Variants in SUV39H2 observed in about 807,000 individuals in gnomAD.
SUV39H2 encodes histone-lysine N-methyltransferase SUV39H2.
SUV39H2 carries 10 observed loss-of-function variants against 47.5 expected under a neutral mutation model. That is an observed-to-expected ratio of 0.21 (90% confidence interval 0.13 to 0.36). SUV39H2 has a LOEUF of 0.36. Among genes scored for constraint, SUV39H2 ranks in the 10% least tolerant of loss-of-function variants. The pLI is 1.00. For synonymous variants in SUV39H2, 159 were observed against 166.8 expected, an observed-to-expected ratio of 0.95 and a Z score of 0.36; for missense variants, 266 against 487.4, an observed-to-expected ratio of 0.55 and a Z score of 4.28.
At chr10:14,880,523 CACAT>C (rs1461292485) in intron 1 of SUV39H2, among the ~76,000 whole-genome samples, 2 of 152,206 alleles carry the variant, frequency 1.3e-5, no homozygotes, top group Admixed American at 1.3e-4. Flanking sequence ...TCACTAAAGT[CACAT>C]AGCTCGGTGA....
Position 14,878,936 on chromosome 10 carries a change from G to C in SUV39H2, c.31+17G>C. On this transcript the variant is annotated intron_variant, in intron 1 of 5. Coordinates refer to ENST00000354919, the MANE Select transcript of SUV39H2 (RefSeq NM_001193424.2). Reference sequence around the variant, plus strand: ...CGCGAGGAGGTGAGGCTGGAGCGCGGCCCCCTCGCCTTCCCTGTTCCCAGG... The same window carrying C: ...CGCGAGGAGGTGAGGCTGGAGCGCGCCCCCCTCGCCTTCCCTGTTCCCAGG... The C allele has an allele frequency of 6.9e-7, 1 of 1,458,120 alleles. No homozygotes were observed. The highest frequency in any genetic ancestry group is 9.1e-7 in the Non-Finnish European group (1 of 1,102,148). 90.3% of individuals were successfully genotyped at this position (1,458,120 alleles called of 1,614,324 possible).
chr10:14,879,235 G>C, intron 1 of SUV39H2: 12 of 682,208 alleles, frequency 1.8e-5, no homozygotes, highest in Non-Finnish European at 2.3e-5. Context: ...CTTCGAGGCC[G>C]CTCCCCGGCA....
At chr10:14,879,071 C>T (rs910764523) in intron 1 of SUV39H2, 152 bp downstream of exon 1, 43 of 1,303,706 alleles carry the variant, frequency 3.3e-5, no homozygotes, top group African/African-American at 1.1e-4. Context: ...CTGCGGACGC[C>T]TATCCTCCCC....
intron 2 of SUV39H2, among the ~76,000 whole-genome samples, chr10:14,893,599 A>G (rs1325107069): frequency 1.3e-5 from 2 of 152,184 alleles, no homozygotes; most frequent in African/African-American, 4.8e-5. Flanking sequence ...GTGTAAAATC[A>G]TTTTTCAAAG....
intron 2 of SUV39H2, among the ~76,000 whole-genome samples, chr10:14,890,694 A>G (rs1305411606): frequency 6.6e-6 from 1 of 152,202 alleles, no homozygotes; most frequent in Non-Finnish European, 1.5e-5. Context: ...ACTGATATTG[A>G]ATATGATGAT....
chr10:14,886,566 A>T (rs543760107), intron 2 of SUV39H2, among the ~76,000 whole-genome samples: 2 of 152,228 alleles, frequency 1.3e-5, no homozygotes, highest in African/African-American at 4.8e-5. Flanking sequence ...TCTAGGGCCT[A>T]CATTCACTAT....
intron 2 of SUV39H2, 137 bp downstream of exon 2, chr10:14,881,782 C>G: frequency 1.3e-6 from 1 of 769,930 alleles, no homozygotes; most frequent in South Asian, 3.5e-5. Context: ...TTTATATGTC[C>G]TATCATCTGT....
At chr10:14,881,730 G>A in intron 2 of SUV39H2, 85 bp downstream of exon 2, 2 of 1,188,256 alleles carry the variant, frequency 1.7e-6, no homozygotes, top group Non-Finnish European at 2.2e-6. Flanking sequence ...AACATTAAAA[G>A]AAAAGCTCTT....
chr10:14,878,994 C>A, intron 1 of SUV39H2, 75 bp downstream of exon 1: 1 of 1,334,546 alleles, frequency 7.5e-7, no homozygotes, highest in South Asian at 2.1e-5. Context: ...CGGGGCCGTC[C>A]CGCGGGCCAG....
chr10:14,903,628 A>G lies in SUV39H2; in HGVS notation c.*1116A>G, dbSNP rs567312825. On this transcript the variant is annotated 3_prime_UTR_variant, in exon 6 of 6. Transcript: ENST00000354919. ...AATTATTAGACCTTTTTATTAGTCA[A>G]CCTACGAAGACTAAAATAGAATATA... 4 of 152,344 alleles carry G rather than the reference A, an allele frequency of 2.6e-5. No individual in the cohort carries two copies. Among genetic ancestry groups the G allele is most frequent in the Non-Finnish European group, 4.4e-5 (3 of 68,030 alleles). 9.4% of individuals were successfully genotyped at this position (152,344 alleles called of 1,614,324 possible).
At position 14,897,535 on chromosome 10, in the gene SUV39H2, C is replaced by T. The variant is rs757674043; in HGVS notation, c.849+18C>T. On this transcript the variant is annotated intron_variant, in intron 3 of 5. Transcript: ENST00000354919. ...TTGGAGAGGTATGTTTCATTTGCCA[C>T]GTAGTAAATGATGGACATGCAAGGT... The T allele has an allele frequency of 2.7e-6, 4 of 1,491,224 alleles. No homozygotes were observed. The highest frequency in any genetic ancestry group is 2.3e-5 in the East Asian group (1 of 43,410). The allele number at this position is 1,491,224 out of a possible 1,614,324, so 92.4% of individuals were successfully genotyped here. A position where few individuals can be genotyped will look rare whatever the true frequency, so the allele number is the denominator to read the frequency against.
At chr10:14,892,122 A>C (rs1160313268) in intron 2 of SUV39H2, among the ~76,000 whole-genome samples, 3 of 152,238 alleles carry the variant, frequency 2.0e-5, no homozygotes, top group African/African-American at 7.2e-5. Context: ...AGGAAAATAC[A>C]GAGGAGCAAG....
At chr10:14,889,423 T>C (rs949592157) in intron 2 of SUV39H2, among the ~76,000 whole-genome samples, 2 of 152,228 alleles carry the variant, frequency 1.3e-5, no homozygotes, top group Admixed American at 6.5e-5. Context: ...AAAGTTTATA[T>C]CTCAGAGGAG....
intron 4 of SUV39H2, among the ~76,000 whole-genome samples, chr10:14,900,294 C>T (rs1473884485): frequency 2.6e-5 from 4 of 152,120 alleles, no homozygotes; most frequent in Non-Finnish European, 5.9e-5. Context: ...TTTGGGTTAC[C>T]TACTAAGTAG....
Position 14,902,434 on chromosome 10 carries a change from T to C in SUV39H2, c.1155T>C (p.Ile385=). The part of the protein sequence containing the change: ...KGSGDISSDS[I]DHSPAKKRVR... The stretch of plus-strand genomic sequence containing the variant: ...CTGGAGATATATCTTCAGATTCTAT[T>C]GACCACAGCCCAGCCAAAAAGAGGG... Residue 385 remains isoleucine, a synonymous_variant, in exon 6 of 6, where the codon ATT becomes ATC. Coordinates refer to ENST00000354919, the MANE Select transcript of SUV39H2 (RefSeq NM_001193424.2). 1 of 1,611,174 alleles carries C rather than the reference T, an allele frequency of 6.2e-7. No individual in the cohort carries two copies. The highest frequency in any genetic ancestry group is 8.5e-7 in the Non-Finnish European group (1 of 1,179,188).
At chr10:14,899,241 T>C (rs1281859074) in intron 3 of SUV39H2, 2 of 701,954 alleles carry the variant, frequency 2.8e-6, no homozygotes, top group Non-Finnish European at 5.2e-6. Context: ...GATCGCTTGA[T>C]CCCAGGAGTT....
At chr10:14,891,469 CA>C (rs199726265) in intron 2 of SUV39H2, among the ~76,000 whole-genome samples, 3 of 151,310 alleles carry the variant, frequency 2.0e-5, no homozygotes, top group Admixed American at 6.6e-5. Flanking sequence ...TTTGTTTTTA[CA>C]AAAAAAACTC....
chr10:14,897,847 A>G (rs1833694481), intron 3 of SUV39H2: 1 of 170,734 alleles, frequency 5.9e-6, no homozygotes, highest in African/African-American at 2.4e-5. Flanking sequence ...CAGATGTAAC[A>G]CATGCTGCTT....
chr10:14,880,748 A>C (rs1357931999), intron 1 of SUV39H2, among the ~76,000 whole-genome samples: 1 of 152,220 alleles, frequency 6.6e-6, no homozygotes, highest in Non-Finnish European at 1.5e-5. Flanking sequence ...GAGTATGTCT[A>C]ATTTTCTTTG....
Sources: gnomAD v4.1 joint callset for allele counts (sites outside exome capture counted in the v4.1 genomes callset) on GRCh38, gnomAD v4.1.1 for gene constraint, MANE v1.5 for transcripts, NCBI Gene and HGNC (gene_info 2026-07-23, HGNC 2026-07-21) for gene names.